The following PDPK1 variants were observed in gnomAD, a reference collection of about 807,000 sequenced individuals.
PDPK1 encodes the protein 3-phosphoinositide dependent protein kinase 1, also known as 3-phosphoinositide-dependent protein kinase 1.
PDPK1 carries 7 observed loss-of-function variants against 39.8 expected under a neutral mutation model. That is an observed-to-expected ratio of 0.18 (90% confidence interval 0.10 to 0.33). PDPK1 has a LOEUF of 0.33. Among genes scored for constraint, PDPK1 ranks in the 10% least tolerant of loss-of-function variants. The probability of loss-of-function intolerance (pLI) is 1.00; values close to 1 mark genes in which losing one functional copy is unlikely to be tolerated. For synonymous variants in PDPK1, 118 were observed against 159.1 expected (o/e 0.74, Z 1.95); for missense variants, 182 against 384.7 (o/e 0.47, Z 4.41).
Position 2,597,755 on chromosome 16 carries a change from C to T in PDPK1, c.1659C>T (p.Ala553=), listed in dbSNP as rs201646295. The T allele has an allele frequency of 4.4e-5, 71 of 1,611,028 alleles. No individual in the cohort carries two copies. The highest frequency in any genetic ancestry group is 5.6e-5 in the Non-Finnish European group (66 of 1,178,360). Residue 553 remains alanine (A), a synonymous_variant, in exon 14 of 14, where the codon GCC becomes GCT. Transcript: ENST00000342085. This position sits in a 1 kb window ranked among gnomAD's most constrained non-coding sequence, Gnocchi z 6.3. ...WRQRYQSHPD[A]AVQ ...AGCGATACCAGAGCCACCCGGACGC[C>T]GCTGTGCAGTGACGTGGCCTGCGGC...
chr16:2,584,827 G>A (rs1197318212), intron 10 of PDPK1, among the ~76,000 whole-genome samples: 10 of 152,204 alleles, frequency 6.6e-5, no homozygotes, highest in Non-Finnish European at 1.3e-4. Context: ...AGTCTGTGCC[G>A]CTTGATGTGG....
At chr16:2,545,726 G>A (rs1395078256) in intron 1 of PDPK1, among the ~76,000 whole-genome samples, 1 of 152,116 alleles carries the variant, frequency 6.6e-6, no homozygotes, top group East Asian at 1.9e-4. Context: ...AACTCCTAAT[G>A]TCATGATTCA....
intron 1 of PDPK1, among the ~76,000 whole-genome samples, chr16:2,553,173 AAAAAAAAAAG>A (rs982083571): frequency 1.5e-4 from 21 of 139,660 alleles, no homozygotes; most frequent in East Asian, 1.4e-3. Flanking sequence ...TTTTTTTTAA[AAAAAAAAAAG>A]AAAAAAAAAG....
chr16:2,595,711 G>C, intron 11 of PDPK1, 82 bp from the exon 12 acceptor site: 1 of 1,111,402 alleles, frequency 9.0e-7, no homozygotes, highest in Admixed American at 1.7e-5. Flanking sequence ...GAGGCTATGG[G>C]GAGTTCGTGT....
In PDPK1 at chr16:2,593,065, C is replaced by T. The variant is rs758922129; in HGVS notation, c.1344-2728C>T. The T allele has an allele frequency of 3.5e-5, 16 of 456,494 alleles. No homozygotes were observed. The highest frequency in any genetic ancestry group is 2.5e-4 in the South Asian group (16 of 64,564). 28.3% of individuals were successfully genotyped at this position (456,494 alleles called of 1,614,324 possible). On this transcript the variant is annotated intron_variant, in intron 11 of 13. Transcript: ENST00000342085. This position sits in a 1 kb window ranked among gnomAD's most constrained non-coding sequence, Gnocchi z 4.2. ...TGGATTTCTGGAAGCGAGGCTACTT[C>T]TCAGTACTATTTCCGAATCGCTTCC...
chr16:2,586,219 C>G (rs1350466965), intron 10 of PDPK1, among the ~76,000 whole-genome samples: 2 of 152,266 alleles, frequency 1.3e-5, no homozygotes, highest in Non-Finnish European at 2.9e-5. Context: ...GCATCTACCA[C>G]AGACTCAGAC....
In PDPK1 at chr16:2,586,792, G is replaced by A. The variant is rs748428723; in HGVS notation, c.1242G>A (p.Gln414=). ...AGAGGTCAGGCAGCAACATAGAGCAGTACATTCACGATCTGGACTCGAACT... is the reference window on the plus strand; with the variant it reads ...AGAGGTCAGGCAGCAACATAGAGCAATACATTCACGATCTGGACTCGAACT... ...LPQRSGSNIE[Q]YIHDLDSNSF... is the part of the protein sequence containing the mutation. The change falls in exon 11 of 14, where the codon CAG becomes CAA. Residue 414 remains glutamine (Q), a synonymous_variant. Coordinates refer to ENST00000342085, the MANE Select transcript of PDPK1 (RefSeq NM_002613.5). 2 of 1,614,272 alleles carry A rather than the reference G, an allele frequency of 1.2e-6. No individual in the cohort carries two copies. Among genetic ancestry groups the A allele is most frequent in the East Asian group, 4.5e-5 (2 of 44,888 alleles).
intron 6 of PDPK1, 154 bp from the exon 7 acceptor site, chr16:2,577,271 C>A: frequency 1.4e-6 from 1 of 714,340 alleles, no homozygotes; most frequent in South Asian, 1.6e-5. Flanking sequence ...ATCAGGCAGG[C>A]GTCTTTGAGC....
At chr16:2,560,292 T>C (rs557915101) in intron 2 of PDPK1, among the ~76,000 whole-genome samples, 341 of 151,692 alleles carry the variant, frequency 2.2e-3, no homozygotes, top group African/African-American at 7.7e-3. Flanking sequence ...CACGTGCTCT[T>C]GTGGAGAAAC....
At position 2,599,307 on chromosome 16, in the gene PDPK1, C is replaced by G; in HGVS notation, c.*1540C>G. On this transcript the variant is annotated 3_prime_UTR_variant, in exon 14 of 14. Coordinates refer to ENST00000342085, the MANE Select transcript of PDPK1 (RefSeq NM_002613.5). ...CTCCCTGGTCCCTACCCCCAAGTCA[C>G]AGGTGACTCAGCAGTGACCCTGTGT... is the stretch of plus-strand genomic sequence containing the variant. 4.3e-6 allele frequency: 1 copy of G among 233,296 alleles called. No homozygotes were observed. Among genetic ancestry groups the G allele is most frequent in the Admixed American group, 5.6e-5 (1 of 17,808 alleles). 14.5% of individuals were successfully genotyped at this position (233,296 alleles called of 1,614,324 possible).
chr16:2,539,963 G>C (rs538924052), intron 1 of PDPK1, among the ~76,000 whole-genome samples: 6 of 152,230 alleles, frequency 3.9e-5, no homozygotes, highest in Non-Finnish European at 8.8e-5. Flanking sequence ...AATCCAGTGA[G>C]CAAGAATGAT....
At position 2,540,880 on chromosome 16, in the gene PDPK1, A is replaced by G. The variant is rs560733121; in HGVS notation, c.24+2744A>G. Among the ~76,000 whole-genome samples, 100 of 152,330 alleles carry G rather than the reference A, an allele frequency of 6.6e-4. 1 individual carries two copies. The highest frequency in any genetic ancestry group is 1.0e-3 in the South Asian group (5 of 4,834). On this transcript the variant is annotated intron_variant, in intron 1 of 13. Coordinates refer to ENST00000342085, the MANE Select transcript of PDPK1 (RefSeq NM_002613.5). ...GGCAGAGTGGCCTCCTGCCCTCCCT[A>G]GGGTGGTTCTGTCTTTTGCAAAGGT...
At chr16:2,594,310 C>A in intron 11 of PDPK1, 1 of 152,306 alleles carries the variant, frequency 6.6e-6, no homozygotes, top group South Asian at 2.1e-4. Context: ...TTTGGGAGGC[C>A]TAGGTGGGTG....
intron 1 of PDPK1, among the ~76,000 whole-genome samples, chr16:2,540,170 T>C (rs1274610335): frequency 2.0e-5 from 3 of 152,198 alleles, no homozygotes; most frequent in African/African-American, 4.8e-5. Context: ...ATCTGGACTT[T>C]AGGGTGGCCC....
chr16:2,538,168 G>A, intron 1 of PDPK1, 32 bp downstream of exon 1: 3 of 1,047,396 alleles, frequency 2.9e-6, no homozygotes, highest in Non-Finnish European at 3.5e-6. Flanking sequence ...GGACGCGCCG[G>A]TTTGTTACCC....
Position 2,599,402 on chromosome 16 carries a change from T to C in PDPK1, c.*1635T>C, listed in dbSNP as rs1417156472. On this transcript the variant is annotated 3_prime_UTR_variant, in exon 14 of 14. Coordinates refer to ENST00000342085, the MANE Select transcript of PDPK1 (RefSeq NM_002613.5). ...TGCTAATGACGAGAGTGGCTCTTTT[T>C]AGCTAGGCGAGTACAGACGGGGCCT... The C allele has an allele frequency of 3.4e-5, 8 of 233,296 alleles. No homozygotes were observed. The highest frequency in any genetic ancestry group is 3.4e-5 in the Non-Finnish European group (4 of 118,142). 14.5% of individuals were successfully genotyped at this position (233,296 alleles called of 1,614,324 possible). A position where few individuals can be genotyped will look rare whatever the true frequency, so the allele number is the denominator to read the frequency against.
intron 1 of PDPK1, among the ~76,000 whole-genome samples, chr16:2,551,752 C>T (rs999707279): frequency 5.3e-5 from 8 of 150,746 alleles, no homozygotes; most frequent in Admixed American, 2.0e-4. Flanking sequence ...CTGCAACCTC[C>T]GCCTCCTGGG....
intron 1 of PDPK1, among the ~76,000 whole-genome samples, chr16:2,540,205 C>G (rs562588987): frequency 3.8e-4 from 58 of 152,342 alleles, no homozygotes; most frequent in African/African-American, 1.3e-3. Flanking sequence ...GAGAAGCCCC[C>G]TTCCCAGTGA....
rs10866 is a variant in PDPK1 at position 2,597,875 on chromosome 16, C to T, written c.*108C>T. On this transcript the variant is annotated 3_prime_UTR_variant, in exon 14 of 14. Transcript: ENST00000342085. The surrounding 1 kb of genome is among the most constrained non-coding windows in gnomAD (Gnocchi z 6.3). ...CACCTGCCAGCCATCACAAGGGGAACGCAGAGGCGGAAACCTTGCAGCATT... is the reference window on the plus strand; with the variant it reads ...CACCTGCCAGCCATCACAAGGGGAATGCAGAGGCGGAAACCTTGCAGCATT... 0.049 allele frequency: 33,202 copies of T among 678,864 alleles called. 1,058 individuals are homozygous for T. Among genetic ancestry groups the T allele is most frequent in the Non-Finnish European group, 0.056 (21,486 of 384,614 alleles). The allele number at this position is 678,864 out of a possible 1,614,324, so 42.1% of individuals were successfully genotyped here. A position where few individuals can be genotyped will look rare whatever the true frequency, so the allele number is the denominator to read the frequency against.
Sources: gnomAD v4.1 joint callset for allele counts (sites outside exome capture counted in the v4.1 genomes callset) on GRCh38, gnomAD v4.1.1 for gene constraint, Gnocchi (gnomAD v3.1) non-coding constraint, MANE v1.5 for transcripts, NCBI Gene and HGNC (gene_info 2026-07-23, HGNC 2026-07-21) for gene names.